The following NSUN3 variants were observed in gnomAD, a reference collection of about 807,000 sequenced individuals.
NSUN3 encodes tRNA (cytosine(34)-C(5))-methyltransferase, mitochondrial.
Under a neutral mutation model 36.8 loss-of-function variants are expected in NSUN3, and 24 were observed. The observed-to-expected ratio is 0.65, with a 90% CI of 0.47 to 0.92. The LOEUF (loss-of-function observed/expected upper bound fraction) is 0.92, where lower values mean the gene tolerates loss of function less well. Among genes scored for constraint, NSUN3 ranks in the 40% least tolerant of loss-of-function variants. NSUN3 has a pLI of 0.00. For missense variants in NSUN3, 381 were observed against 392.8 expected (o/e 0.97, Z 0.25); for synonymous variants, 146 against 145.2 (o/e 1.01, Z -0.04).
At chr3:94,073,533 T>C (rs916635935) in intron 2 of NSUN3, among the ~76,000 whole-genome samples, 6 of 152,210 alleles carry the variant, frequency 3.9e-5, no homozygotes, top group Admixed American at 3.9e-4. Flanking sequence ...TGGTTTTGAT[T>C]TGTATTTCTC....
At chr3:94,125,943 C>T (rs2077483697) in intron 5 of NSUN3, among the ~76,000 whole-genome samples, 1 of 151,968 alleles carries the variant, frequency 6.6e-6, no homozygotes, top group Admixed American at 6.6e-5. Context: ...GCCTGTAATC[C>T]CAGCTACTTG....
At chr3:94,124,402 C>T (rs1157844215) in intron 5 of NSUN3, among the ~76,000 whole-genome samples, 1 of 152,112 alleles carries the variant, frequency 6.6e-6, no homozygotes, top group Non-Finnish European at 1.5e-5. Flanking sequence ...GCTAGGATTA[C>T]AGGCGTGAGC....
At position 94,076,891 on chromosome 3, in the gene NSUN3, A is replaced by C. The variant is rs2077248692; in HGVS notation, c.123-7216A>C. The C allele has an allele frequency of 2.8e-6, 4 of 1,429,300 alleles. No homozygotes were observed. The Admixed American group carries it at 6.7e-5, about 24-fold the overall frequency. 88.5% of individuals were successfully genotyped at this position (1,429,300 alleles called of 1,614,324 possible). On this transcript the variant is annotated intron_variant, in intron 2 of 5. Coordinates refer to ENST00000314622, the MANE Select transcript of NSUN3 (RefSeq NM_022072.5). Reference sequence around the variant, plus strand: ...CTTTCTCACTGTCGTAGTGTGATGCATCAAAATGAGCATCATCATTAGGGA... The same window carrying C: ...CTTTCTCACTGTCGTAGTGTGATGCCTCAAAATGAGCATCATCATTAGGGA...
At position 94,128,584 on chromosome 3, in the gene NSUN3, T is replaced by TAC. The variant is rs869084585; in HGVS notation, c.*2095_*2096insCA. The TAC allele has an allele frequency of 7.3e-6, 1 of 136,982 alleles. No homozygotes were observed. The highest frequency in any genetic ancestry group is 1.5e-5 in the Non-Finnish European group (1 of 64,994). 8.5% of individuals were successfully genotyped at this position (136,982 alleles called of 1,614,324 possible). Reference sequence around the variant, plus strand: ...GTGTGTGTGTGTGTGTGTGTGTGTGTATATATATATATATATATAATTTTA... The same window carrying TAC: ...GTGTGTGTGTGTGTGTGTGTGTGTGTACATATATATATATATATATAATTTTA... On this transcript the variant is annotated 3_prime_UTR_variant, in exon 6 of 6. Coordinates refer to ENST00000314622, the MANE Select transcript of NSUN3 (RefSeq NM_022072.5).
rs565942370 is a variant in NSUN3 at position 94,119,182 on chromosome 3, T to C, written c.744-7029T>C. 1.3e-5 allele frequency among the ~76,000 whole-genome samples: 2 copies of C among 152,310 alleles called. 1 individual carries two copies. The highest frequency in any genetic ancestry group is 4.1e-4 in the South Asian group (2 of 4,826). On this transcript the variant is annotated intron_variant, in intron 5 of 5. Transcript: ENST00000314622. ...TTTAGGTACTTAGATTTTAGTAGTG[T>C]GCTAATTTTTGCTTAGTATATTGTA...
At chr3:94,120,091 T>C (rs781062550) in intron 5 of NSUN3, among the ~76,000 whole-genome samples, 1 of 152,254 alleles carries the variant, frequency 6.6e-6, no homozygotes, top group Non-Finnish European at 1.5e-5. Context: ...TATGTACTTT[T>C]GTACAGCTTT....
chr3:94,108,459 C>G (rs1017464248), intron 5 of NSUN3, among the ~76,000 whole-genome samples: 1 of 152,068 alleles, frequency 6.6e-6, no homozygotes, highest in African/African-American at 2.4e-5. Flanking sequence ...CTTTCAGGTT[C>G]AAGTGATTCT....
intron 5 of NSUN3, among the ~76,000 whole-genome samples, chr3:94,108,690 G>C (rs1212758537): frequency 1.3e-5 from 2 of 151,304 alleles, no homozygotes; most frequent in Non-Finnish European, 2.9e-5. Context: ...ACACAGTCTT[G>C]CTCTGTTGCC....
At chr3:94,121,703 G>C (rs2077462795) in intron 5 of NSUN3, among the ~76,000 whole-genome samples, 1 of 152,082 alleles carries the variant, frequency 6.6e-6, no homozygotes, top group African/African-American at 2.4e-5. Flanking sequence ...GACCCTCAGT[G>C]GTAGGAACCC....
intron 5 of NSUN3, among the ~76,000 whole-genome samples, chr3:94,114,756 C>T (rs900249242): frequency 7.2e-5 from 11 of 152,168 alleles, no homozygotes; most frequent in African/African-American, 2.4e-4. Flanking sequence ...CACCCTTACC[C>T]CCCTTCTGCC....
chr3:94,110,525 A>C (rs1238683488), intron 5 of NSUN3, among the ~76,000 whole-genome samples: 1 of 152,092 alleles, frequency 6.6e-6, no homozygotes, highest in African/African-American at 2.4e-5. Context: ...CAAATCCCTC[A>C]GATCTTTCCT....
At chr3:94,108,426 T>C (rs1453759133) in intron 5 of NSUN3, among the ~76,000 whole-genome samples, 1 of 152,192 alleles carries the variant, frequency 6.6e-6, no homozygotes, top group Non-Finnish European at 1.5e-5. Context: ...AGTGGCACGA[T>C]CTTGGCTCAC....
At position 94,080,907 on chromosome 3, in the gene NSUN3, G is replaced by C. The variant is rs1251737682; in HGVS notation, c.123-3200G>C. On this transcript the variant is annotated intron_variant, in intron 2 of 5. Coordinates refer to ENST00000314622, the MANE Select transcript of NSUN3 (RefSeq NM_022072.5). ...TCCTGGCTTCAGCACCCCTTTCCAG[G>C]GGAGTGAACTGTTCTGTCTCGCTGG... Among the ~76,000 whole-genome samples, 3 of 152,204 alleles carry C rather than the reference G, an allele frequency of 2.0e-5. 1 individual carries two copies. The highest frequency in any genetic ancestry group is 2.0e-4 in the Admixed American group (3 of 15,284).
chr3:94,073,871 G>T (rs1186058762), intron 2 of NSUN3, among the ~76,000 whole-genome samples: 1 of 152,088 alleles, frequency 6.6e-6, no homozygotes, highest in East Asian at 1.9e-4. Context: ...TGAAGTCTTT[G>T]CCCATGCCTA....
chr3:94,082,424 G>A (rs1281997976), intron 2 of NSUN3, among the ~76,000 whole-genome samples: 1 of 152,138 alleles, frequency 6.6e-6, no homozygotes, highest in African/African-American at 2.4e-5. Context: ...CTTAAGGAAA[G>A]AGGTTGTCAT....
chr3:94,063,237 C>T (rs1172934636), intron 1 of NSUN3, 99 bp downstream of exon 1: 2 of 1,163,840 alleles, frequency 1.7e-6, no homozygotes, highest in East Asian at 2.3e-5. Context: ...GGAACATCAC[C>T]TTTGTTCGTC....
At chr3:94,117,730 A>G (rs913061394) in intron 5 of NSUN3, among the ~76,000 whole-genome samples, 6 of 151,888 alleles carry the variant, frequency 4.0e-5, no homozygotes, top group Middle Eastern at 6.8e-3. Context: ...TTTTTTTCTT[A>G]CCTTCATTAT....
intron 1 of NSUN3, chr3:94,063,772 T>A (rs554754794): frequency 6.6e-6 from 1 of 152,190 alleles, no homozygotes; most frequent in Non-Finnish European, 1.5e-5. Context: ...AGCAGGCCAC[T>A]ACGCCTGGCT....
rs1451869040 is a variant in NSUN3 at position 94,077,965 on chromosome 3, T to G, written c.123-6142T>G. 2.6e-5 allele frequency among the ~76,000 whole-genome samples: 4 copies of G among 152,190 alleles called. No individual in the cohort carries two copies. In the East Asian group the frequency reaches 7.7e-4, roughly 29 times the overall value. On this transcript the variant is annotated intron_variant, in intron 2 of 5. Transcript: ENST00000314622. ...TCAGTTCTGCTCTGATCTTAGTTATTTCTTGTCTTCTGCTAGCTTTTGAAT... is the reference window on the plus strand; with the variant it reads ...TCAGTTCTGCTCTGATCTTAGTTATGTCTTGTCTTCTGCTAGCTTTTGAAT...
Sources: allele counts gnomAD v4.1 joint callset (sites outside exome capture counted in the v4.1 genomes callset), GRCh38; gene constraint gnomAD v4.1.1; transcripts MANE v1.5; gene names NCBI Gene and HGNC (gene_info 2026-07-23, HGNC 2026-07-21).